Variants in DNAJC8 observed in about 807,000 individuals in gnomAD.
DNAJC8 encodes DnaJ heat shock protein family (Hsp40) member C8.
A neutral mutation model predicts 43.2 loss-of-function variants in DNAJC8; 24 were observed. That is an observed-to-expected ratio of 0.56 (90% CI 0.40 to 0.78). DNAJC8 has a LOEUF of 0.78. DNAJC8 is among the 30% of genes least tolerant of loss of function. The pLI, the probability that DNAJC8 is intolerant of heterozygous loss-of-function variation, is 0.00. For synonymous variants in DNAJC8, 83 were observed against 98.0 expected, an observed-to-expected ratio of 0.85 and a Z score of 0.90; for missense variants, 207 against 299.4, an observed-to-expected ratio of 0.69 and a Z score of 2.28.
In DNAJC8 at chr1:28,215,007, C is replaced by CA. The variant is rs1418539562; in HGVS notation, c.181-12dup. On this transcript the variant is annotated splice_polypyrimidine_tract_variant and intron_variant, in intron 2 of 8. Coordinates refer to ENST00000263697, the MANE Select transcript of DNAJC8 (RefSeq NM_014280.3). ...ATCTATCTGAAGAACCTGGAAGTAT[C>CA]AAAATCAAAACCATAAAAAAGGTGA... 1 of 1,597,444 alleles carries CA rather than the reference C, an allele frequency of 6.3e-7. No individual in the cohort carries two copies. The highest frequency in any genetic ancestry group is 8.5e-7 in the Non-Finnish European group (1 of 1,173,152).
intron 1 of DNAJC8, among the ~76,000 whole-genome samples, chr1:28,229,739 A>G (rs1646961058): frequency 6.6e-6 from 1 of 151,734 alleles, no homozygotes; most frequent in African/African-American, 2.4e-5. Flanking sequence ...GCGCCACTGG[A>G]CTCCAGCCTG....
At chr1:28,216,322 T>G (rs1483670925) in intron 2 of DNAJC8, among the ~76,000 whole-genome samples, 1 of 152,152 alleles carries the variant, frequency 6.6e-6, no homozygotes, top group Non-Finnish European at 1.5e-5. Flanking sequence ...TCACGTAAGA[T>G]TTACAGACGA....
At position 28,219,324 on chromosome 1, in the gene DNAJC8, C is replaced by T. The variant is rs11803676; in HGVS notation, c.181-4328G>A. On this transcript the variant is annotated intron_variant, in intron 2 of 8. Coordinates refer to ENST00000263697, the MANE Select transcript of DNAJC8 (RefSeq NM_014280.3). The stretch of plus-strand genomic sequence containing the variant: ...GAGATCGAGACAATCCTGGCTAACA[C>T]GGTGAAACATCATCTCTACTAAAAA... Among the ~76,000 whole-genome samples the T allele has an allele frequency of 4.1e-3, 625 of 152,062 alleles. 7 individuals are homozygous for T. Among genetic ancestry groups the T allele is most frequent in the African/African-American group, 0.015 (610 of 41,478 alleles).
At chr1:28,205,168 T>C (rs1646760268) in intron 7 of DNAJC8, 90 bp downstream of exon 7, 2 of 979,686 alleles carry the variant, frequency 2.0e-6, no homozygotes, top group Non-Finnish European at 3.1e-6. Context: ...TGGTATACTA[T>C]ATAATTCCCT....
At chr1:28,223,637 T>C (rs1355864614) in intron 2 of DNAJC8, among the ~76,000 whole-genome samples, 1 of 147,818 alleles carries the variant, frequency 6.8e-6, no homozygotes, top group Non-Finnish European at 1.5e-5. Context: ...CCCAGTACTT[T>C]GGGAGGCCAA....
chr1:28,200,301 C>T lies in DNAJC8; in HGVS notation c.*947G>A. ...GCTTTCATATATTACTTCATTTAAT[C>T]CTCAAAACAATCAGTATCTTCATTT... On this transcript the variant is annotated 3_prime_UTR_variant, in exon 9 of 9. Transcript: ENST00000263697. 2.8e-6 allele frequency: 1 copy of T among 359,326 alleles called. No homozygotes were observed. Among genetic ancestry groups the T allele is most frequent in the Non-Finnish European group, 5.5e-6 (1 of 183,302 alleles). The allele number at this position is 359,326 out of a possible 1,614,324, so 22.3% of individuals were successfully genotyped here.
At chr1:28,228,450 G>C (rs1646952901) in intron 2 of DNAJC8, among the ~76,000 whole-genome samples, 1 of 151,072 alleles carries the variant, frequency 6.6e-6, no homozygotes, top group South Asian at 2.1e-4. Flanking sequence ...AAAAGATGAT[G>C]AAAGATATGT....
chr1:28,222,485 CAAAAAAAAAA>C (rs35878807), intron 2 of DNAJC8, among the ~76,000 whole-genome samples: 2 of 44,692 alleles, frequency 4.5e-5, no homozygotes, highest in Non-Finnish European at 9.5e-5. Flanking sequence ...GACTCCATCT[CAAAAAAAAAA>C]AAAAAAAAAA....
chr1:28,214,932 T>C lies in DNAJC8; in HGVS notation c.237+8A>G. ...TCAAAAAGTTCAAACAGGGAAATAG[T>C]ACTGTACCTGCCGAAACCTCTTTTT... On this transcript the variant is annotated splice_region_variant and intron_variant, in intron 3 of 8. Coordinates refer to ENST00000263697, the MANE Select transcript of DNAJC8 (RefSeq NM_014280.3). 1 of 1,605,918 alleles carries C rather than the reference T, an allele frequency of 6.2e-7. No individual in the cohort carries two copies. The highest frequency in any genetic ancestry group is 8.5e-7 in the Non-Finnish European group (1 of 1,175,396).
At chr1:28,221,269 G>A (rs1646896499) in intron 2 of DNAJC8, among the ~76,000 whole-genome samples, 1 of 152,028 alleles carries the variant, frequency 6.6e-6, no homozygotes, top group African/African-American at 2.4e-5. Flanking sequence ...AACCCGGGAG[G>A]CGGAGGTTGC....
chr1:28,210,754 C>A lies in DNAJC8; in HGVS notation c.238-117G>T, dbSNP rs1302429325. 3 of 662,746 alleles carry A rather than the reference C, an allele frequency of 4.5e-6. No individual in the cohort carries two copies. The Admixed American group carries it at 8.0e-5, about 18-fold the overall frequency. The allele number at this position is 662,746 out of a possible 1,614,324, so 41.1% of individuals were successfully genotyped here. A position where few individuals can be genotyped will look rare whatever the true frequency, so the allele number is the denominator to read the frequency against. ...TCCTACGGCAAAAAGAGACTCTTAG[C>A]AAAAGCATTTAAAAAATTAACAAAT... On this transcript the variant is annotated intron_variant, in intron 3 of 8. Transcript: ENST00000263697.
intron 1 of DNAJC8, among the ~76,000 whole-genome samples, 198 bp downstream of exon 1, chr1:28,232,723 C>T (rs1055872937): frequency 6.6e-6 from 1 of 152,178 alleles, no homozygotes; most frequent in African/African-American, 2.4e-5. Context: ...AACACCATTC[C>T]CTCTTTCGTT....
At chr1:28,207,760 A>T (rs931838821) in intron 6 of DNAJC8, among the ~76,000 whole-genome samples, 9 of 147,240 alleles carry the variant, frequency 6.1e-5, no homozygotes, top group African/African-American at 1.8e-4. Context: ...TGTTTTTTTA[A>T]AAAATAAAAA....
Position 28,208,363 on chromosome 1 carries a change from T to C in DNAJC8, c.450A>G (p.Val150=). ...TCACCAGCTCAGGATCATCCTCCTC[T>C]ACAATTGTAGGTTTTCCTTCCTTCT... ...QLKKEGKPTI[V]EEDDPELFKQ... Residue 150 remains valine (V), a synonymous_variant, in exon 6 of 9, where the codon GTA becomes GTG. Transcript: ENST00000263697. The C allele has an allele frequency of 4.3e-6, 7 of 1,613,592 alleles. No homozygotes were observed. The highest frequency in any genetic ancestry group is 5.9e-6 in the Non-Finnish European group (7 of 1,179,710).
At chr1:28,202,393 C>T (rs1401261087) in intron 8 of DNAJC8, among the ~76,000 whole-genome samples, 1 of 151,908 alleles carries the variant, frequency 6.6e-6, no homozygotes, top group Non-Finnish European at 1.5e-5. Flanking sequence ...CATTCTCCTG[C>T]CTCAGCCTCC....
At chr1:28,214,589 T>A (rs577988931) in intron 3 of DNAJC8, among the ~76,000 whole-genome samples, 16 of 152,050 alleles carry the variant, frequency 1.1e-4, no homozygotes, top group Non-Finnish European at 2.2e-4. Context: ...GTCTTAAAGA[T>A]AAAAATGTGC....
At chr1:28,208,861 T>A (rs1646789255) in intron 5 of DNAJC8, 1 of 152,710 alleles carries the variant, frequency 6.5e-6, no homozygotes, top group Admixed American at 6.5e-5. Flanking sequence ...CTTGATCACT[T>A]TCACCATGGA....
intron 2 of DNAJC8, among the ~76,000 whole-genome samples, chr1:28,224,299 A>T (rs577597247): frequency 1.3e-5 from 2 of 151,958 alleles, no homozygotes; most frequent in Non-Finnish European, 2.9e-5. Flanking sequence ...ATGGAGTCTC[A>T]CTCTGTCGCC....
chr1:28,209,986 AT>A lies in DNAJC8; in HGVS notation c.384del (p.Glu128AspfsTer7). ...TAAATACTTACAGTGTGTTCCACGT[AT>A]TCTTTTCCTGCCTGAATTACATCCA... ...RALDVIQAGK[E>X]YVEHTVKERK... On this transcript the variant is annotated frameshift_variant, in exon 5 of 9. Transcript: ENST00000263697. LOFTEE classifies it high-confidence loss of function. 1 of 1,613,992 alleles carries A rather than the reference AT, an allele frequency of 6.2e-7. No individual in the cohort carries two copies.
Sources: gnomAD v4.1 joint callset for allele counts (sites outside exome capture counted in the v4.1 genomes callset) on GRCh38, gnomAD v4.1.1 for gene constraint, MANE v1.5 for transcripts, NCBI Gene and HGNC (gene_info 2026-07-23, HGNC 2026-07-21) for gene names.